The following HTR7 variants were observed in gnomAD, a reference collection of about 807,000 sequenced individuals.
HTR7 encodes the protein 5-hydroxytryptamine receptor 7, also known as 5-HT-7.
HTR7 carries 16 observed loss-of-function variants against 34.0 expected under a neutral mutation model. That is an observed-to-expected ratio of 0.47 (90% CI 0.32 to 0.71). The LOEUF (loss-of-function observed/expected upper bound fraction) is 0.71. Among genes scored for constraint, HTR7 ranks in the 30% least tolerant of loss-of-function variants. HTR7 has a pLI of 0.04. For missense variants in HTR7, 504 were observed against 625.5 expected (o/e 0.81, Z 2.07); for synonymous variants, 265 against 260.2 (o/e 1.02, Z -0.18).
At chr10:90,823,030 T>C (rs1392896735) in intron 1 of HTR7, among the ~76,000 whole-genome samples, 27 of 152,248 alleles carry the variant, frequency 1.8e-4, no homozygotes, top group African/African-American at 2.4e-5. Flanking sequence ...AGAAGTCTAC[T>C]GCAGGGGCAA....
At chr10:90,851,046 A>C (rs1025496451) in intron 1 of HTR7, among the ~76,000 whole-genome samples, 1 of 152,236 alleles carries the variant, frequency 6.6e-6, no homozygotes, top group Non-Finnish European at 1.5e-5. Context: ...GTTAACAGTA[A>C]ATAAACGACA....
intron 1 of HTR7, among the ~76,000 whole-genome samples, chr10:90,763,369 C>G (rs891639470): frequency 6.6e-6 from 1 of 152,142 alleles, no homozygotes; most frequent in East Asian, 1.9e-4. Flanking sequence ...TAGATTTATT[C>G]CTAAGGATTT....
At chr10:90,773,325 T>A (rs895386984) in intron 1 of HTR7, among the ~76,000 whole-genome samples, 8 of 152,164 alleles carry the variant, frequency 5.3e-5, no homozygotes, top group Non-Finnish European at 7.4e-5. Flanking sequence ...ATTCTTTTTT[T>A]TTATTATTGT....
chr10:90,806,248 T>C (rs982775438), intron 1 of HTR7, among the ~76,000 whole-genome samples: 1 of 152,086 alleles, frequency 6.6e-6, no homozygotes, highest in Non-Finnish European at 1.5e-5. Context: ...GGGTAGGGAA[T>C]GAGGAACCCT....
chr10:90,755,817 A>G lies in HTR7; in HGVS notation c.540-6223T>C, dbSNP rs527271419. ...CAGTAACTTTGGGAAACTATTTGTAATATCTATTAAAGCTAAATAATACAC... is the reference window on the plus strand; with the variant it reads ...CAGTAACTTTGGGAAACTATTTGTAGTATCTATTAAAGCTAAATAATACAC... On this transcript the variant is annotated intron_variant, in intron 1 of 3. Coordinates refer to ENST00000336152, the MANE Select transcript of HTR7 (RefSeq NM_019859.4). Among the ~76,000 whole-genome samples the G allele has an allele frequency of 1.1e-4, 16 of 152,356 alleles. No individual in the cohort carries two copies. In the East Asian group the frequency reaches 1.7e-3, roughly 17 times the overall value.
intron 1 of HTR7, among the ~76,000 whole-genome samples, chr10:90,778,815 C>T (rs188306159): frequency 1.3e-5 from 2 of 152,332 alleles, no homozygotes; most frequent in African/African-American, 4.8e-5. Context: ...ATACTATTTT[C>T]CATGTGATCT....
chr10:90,812,099 T>G (rs1231453454), intron 1 of HTR7, among the ~76,000 whole-genome samples: 1 of 152,140 alleles, frequency 6.6e-6, no homozygotes, highest in Non-Finnish European at 1.5e-5. Flanking sequence ...TTTTACCACT[T>G]TCCCTTCTCA....
intron 1 of HTR7, among the ~76,000 whole-genome samples, chr10:90,804,596 C>G (rs1284864256): frequency 6.6e-6 from 1 of 152,184 alleles, no homozygotes; most frequent in African/African-American, 2.4e-5. Context: ...CACCCCTCCC[C>G]ACTCCTTCAG....
intron 1 of HTR7, among the ~76,000 whole-genome samples, chr10:90,833,991 C>T (rs1846216452): frequency 1.3e-5 from 2 of 152,152 alleles, no homozygotes. Flanking sequence ...GGGCACTTTG[C>T]TGTTGTCTAT....
chr10:90,781,944 T>C (rs1244468206), intron 1 of HTR7, among the ~76,000 whole-genome samples: 1 of 152,226 alleles, frequency 6.6e-6, no homozygotes, highest in Non-Finnish European at 1.5e-5. Flanking sequence ...CTTTGGGCAC[T>C]TTCTCCTTTG....
chr10:90,848,111 C>T (rs1315968724), intron 1 of HTR7, among the ~76,000 whole-genome samples: 3 of 132,938 alleles, frequency 2.3e-5, no homozygotes, highest in African/African-American at 9.4e-5. Context: ...TCTTGTTGCC[C>T]AAGCTGGAGT....
Position 90,857,479 on chromosome 10 carries a change from C to T in HTR7, c.193G>A (p.Asp65Asn). 1 of 1,613,622 alleles carries T rather than the reference C, an allele frequency of 6.2e-7. No homozygotes were observed. Among genetic ancestry groups the T allele is most frequent in the Admixed American group, 1.7e-5 (1 of 60,030 alleles). Residue 65 changes from aspartate to asparagine, a missense_variant, in exon 1 of 4, where the codon GAC (aspartate) becomes AAC (asparagine). By Grantham distance (23) the Asp-to-Asn change is conservative. Transcript: ENST00000336152. This position sits in a 1 kb window ranked among gnomAD's most constrained non-coding sequence, Gnocchi z 6.5. ...TGTTCCCCACAGCCGGAGGCATTGT[C>T]CGGGGGCGCGTCCCAGGTGGGCGCC... ...SPAPTWDAPPDNASGCGEQIN... is the reference protein window; with the variant it reads ...SPAPTWDAPPNNASGCGEQIN...
intron 1 of HTR7, among the ~76,000 whole-genome samples, chr10:90,844,569 C>CA (rs796115600): frequency 2.7e-5 from 4 of 150,110 alleles, no homozygotes; most frequent in South Asian, 2.1e-4. Context: ...ACTAAAAATA[C>CA]AAAAAAAATT....
At chr10:90,842,805 G>T (rs1444015797) in intron 1 of HTR7, among the ~76,000 whole-genome samples, 1 of 151,730 alleles carries the variant, frequency 6.6e-6, no homozygotes, top group Non-Finnish European at 1.5e-5. Context: ...ATACTAAAAA[G>T]CTAACTCCTG....
At chr10:90,823,957 A>G (rs1184541516) in intron 1 of HTR7, among the ~76,000 whole-genome samples, 2 of 152,178 alleles carry the variant, frequency 1.3e-5, no homozygotes, top group Non-Finnish European at 2.9e-5. Flanking sequence ...CCTCCTGTAG[A>G]GCCTTCAGAA....
In HTR7 at chr10:90,857,753, C is replaced by T. The variant is rs1323093050; in HGVS notation, c.-82G>A. On this transcript the variant is annotated 5_prime_UTR_variant, in exon 1 of 4. Transcript: ENST00000336152. The surrounding 1 kb of genome is among the most constrained non-coding windows in gnomAD (Gnocchi z 6.5). ...TGCCGGCCCCGGGGCTTCACCTCAC[C>T]GGTTCCGCTCCGCCCGGCCCAGCCA... 4 of 1,315,644 alleles carry T rather than the reference C, an allele frequency of 3.0e-6. No individual in the cohort carries two copies. The highest frequency in any genetic ancestry group is 2.8e-4 in the Middle Eastern group (1 of 3,594). The allele number at this position is 1,315,644 out of a possible 1,614,324, so 81.5% of individuals were successfully genotyped here. A position where few individuals can be genotyped will look rare whatever the true frequency, so the allele number is the denominator to read the frequency against.
chr10:90,772,974 T>C (rs1474512868), intron 1 of HTR7, among the ~76,000 whole-genome samples: 2 of 152,140 alleles, frequency 1.3e-5, no homozygotes, highest in African/African-American at 4.8e-5. Context: ...CAACATGAGT[T>C]TTCTCACTCC....
intron 1 of HTR7, among the ~76,000 whole-genome samples, chr10:90,851,500 G>A (rs532130422): frequency 4.0e-5 from 6 of 150,376 alleles, no homozygotes; most frequent in South Asian, 2.1e-4. Flanking sequence ...AGCTACTCTG[G>A]AGGCTAAGGC....
Position 90,749,009 on chromosome 10 carries a change from T to C in HTR7, c.1125A>G (p.Ala375=). 2.5e-6 allele frequency: 4 copies of C among 1,614,092 alleles called. No homozygotes were observed. Among genetic ancestry groups the C allele is most frequent in the Non-Finnish European group, 3.4e-6 (4 of 1,180,004 alleles). ...VERTFLWLGY[A]NSLINPFIYA... The stretch of plus-strand genomic sequence containing the variant: ...ATATAAAAGGGTTAATGAGAGAGTT[T>C]GCATAGCCTAGCCACAGAAATGTCC... The change falls in exon 2 of 4, where the codon GCA becomes GCG. Residue 375 remains alanine, a synonymous_variant. Transcript: ENST00000336152. This position sits in a 1 kb window ranked among gnomAD's most constrained non-coding sequence, Gnocchi z 4.2.
Sources: gnomAD v4.1 joint callset for allele counts (sites outside exome capture counted in the v4.1 genomes callset) on GRCh38, gnomAD v4.1.1 for gene constraint, Gnocchi (gnomAD v3.1) non-coding constraint, MANE v1.5 for transcripts, NCBI Gene and HGNC (gene_info 2026-07-23, HGNC 2026-07-21) for gene names.